The following SKAP1 variants were observed in gnomAD, a reference collection of about 807,000 sequenced individuals.
SKAP1 encodes src kinase-associated phosphoprotein 1.
A neutral mutation model predicts 58.5 loss-of-function variants in SKAP1; 44 were observed. The ratio of observed to expected loss-of-function variants is 0.75; its 90% confidence interval spans 0.59 to 0.97. The LOEUF is 0.97. Among genes scored for constraint, SKAP1 ranks in the 50% least tolerant of loss-of-function variants. SKAP1 has a pLI of 0.00. For missense variants in SKAP1, 390 were observed against 435.2 expected (o/e 0.90, Z 0.92); for synonymous variants, 127 against 149.7 (o/e 0.85, Z 1.11).
chr17:48,310,973 TA>T (rs1419724087), intron 4 of SKAP1, among the ~76,000 whole-genome samples: 1 of 152,128 alleles, frequency 6.6e-6, no homozygotes, highest in Non-Finnish European at 1.5e-5. Flanking sequence ...AGACGGATGG[TA>T]AACTTGACCT....
At chr17:48,179,514 T>A (rs2064338993) in intron 9 of SKAP1, among the ~76,000 whole-genome samples, 1 of 152,230 alleles carries the variant, frequency 6.6e-6, no homozygotes, top group African/African-American at 2.4e-5. Context: ...GTTAGGGTTA[T>A]TTTTAAGAGA....
intron 5 of SKAP1, among the ~76,000 whole-genome samples, chr17:48,188,184 A>G (rs1225253952): frequency 6.6e-6 from 1 of 152,166 alleles, no homozygotes; most frequent in Non-Finnish European, 1.5e-5. Flanking sequence ...AGACTCCTTT[A>G]TATCTTTCGG....
At chr17:48,264,980 A>C (rs138319790) in intron 4 of SKAP1, among the ~76,000 whole-genome samples, 2 of 152,282 alleles carry the variant, frequency 1.3e-5, no homozygotes, top group African/African-American at 2.4e-5. Context: ...TCCCACAGGA[A>C]CCTTGCTAAA....
chr17:48,195,034 C>T (rs1007360040), intron 4 of SKAP1, among the ~76,000 whole-genome samples: 6 of 152,254 alleles, frequency 3.9e-5, no homozygotes, highest in East Asian at 3.9e-4. Context: ...CACAAACACA[C>T]GCTTTAAAAT....
chr17:48,417,822 G>A (rs946136613), intron 1 of SKAP1, among the ~76,000 whole-genome samples: 2 of 151,806 alleles, frequency 1.3e-5, no homozygotes. Flanking sequence ...TTCTACAGCA[G>A]TGTGGATATA....
intron 4 of SKAP1, chr17:48,204,054 G>A (rs1479305906): frequency 6.6e-6 from 1 of 151,550 alleles, no homozygotes; most frequent in Admixed American, 6.6e-5. Flanking sequence ...TTGGGAAGAA[G>A]AAGAACCAAG....
chr17:48,193,671 C>T (rs1262679786), intron 4 of SKAP1: 68 of 984,262 alleles, frequency 6.9e-5, no homozygotes, highest in Non-Finnish European at 7.8e-5. Flanking sequence ...TCAGTGTCAG[C>T]GCAGGGTCCT....
At chr17:48,378,165 A>G (rs2067173861) in intron 2 of SKAP1, among the ~76,000 whole-genome samples, 1 of 152,100 alleles carries the variant, frequency 6.6e-6, no homozygotes, top group Non-Finnish European at 1.5e-5. Flanking sequence ...ACCCACATCC[A>G]TGTAACCACA....
intron 1 of SKAP1, among the ~76,000 whole-genome samples, chr17:48,422,325 C>A: frequency 6.6e-6 from 1 of 151,816 alleles, no homozygotes. Flanking sequence ...GCTGCCAAAA[C>A]AAACAAACAA....
intron 2 of SKAP1, among the ~76,000 whole-genome samples, chr17:48,374,852 C>A (rs912903717): frequency 6.6e-6 from 1 of 152,136 alleles, no homozygotes; most frequent in Non-Finnish European, 1.5e-5. Flanking sequence ...GGTGGAAGTC[C>A]CCAGTGGAGG....
chr17:48,427,199 C>A (rs2067864159), intron 1 of SKAP1, among the ~76,000 whole-genome samples: 1 of 152,088 alleles, frequency 6.6e-6, no homozygotes, highest in Non-Finnish European at 1.5e-5. Context: ...ACATATGTGG[C>A]TTTTCTTGTT....
intron 2 of SKAP1, among the ~76,000 whole-genome samples, chr17:48,378,355 A>G (rs1463683226): frequency 6.6e-6 from 1 of 152,180 alleles, no homozygotes. Flanking sequence ...CCTCATCTTT[A>G]AAACAGAAAT....
intron 1 of SKAP1, among the ~76,000 whole-genome samples, chr17:48,403,316 G>A (rs1050994090): frequency 2.0e-5 from 3 of 151,934 alleles, no homozygotes; most frequent in Non-Finnish European, 4.4e-5. Flanking sequence ...TGCAGAGAGC[G>A]GTGATTAACC....
chr17:48,371,235 A>G (rs991079001), intron 2 of SKAP1, among the ~76,000 whole-genome samples: 2 of 152,160 alleles, frequency 1.3e-5, no homozygotes, highest in Admixed American at 6.6e-5. Flanking sequence ...ATCACACTAT[A>G]TACCCTGTAA....
At chr17:48,154,848 C>T (rs1279999326) in intron 11 of SKAP1, among the ~76,000 whole-genome samples, 1 of 152,002 alleles carries the variant, frequency 6.6e-6, no homozygotes, top group Non-Finnish European at 1.5e-5. Context: ...CACTCGAGGC[C>T]AGGAGTTCAA....
intron 3 of SKAP1, 69 bp downstream of exon 3, chr17:48,363,720 G>C: frequency 7.5e-7 from 1 of 1,326,110 alleles, no homozygotes. Context: ...TTGTAGAGAA[G>C]AGACAGGAAT....
At chr17:48,297,995 C>T (rs570805445) in intron 4 of SKAP1, among the ~76,000 whole-genome samples, 6 of 152,294 alleles carry the variant, frequency 3.9e-5, no homozygotes, top group African/African-American at 1.4e-4. Context: ...AAGATCTCTT[C>T]TGTTTGCTGC....
At chr17:48,311,649 G>A (rs952864757) in intron 4 of SKAP1, among the ~76,000 whole-genome samples, 5 of 152,162 alleles carry the variant, frequency 3.3e-5, no homozygotes, top group African/African-American at 1.2e-4. Flanking sequence ...TAACCAAAGT[G>A]TGAACTGCCC....
chr17:48,334,686 T>C (rs773749884), intron 4 of SKAP1, among the ~76,000 whole-genome samples: 7 of 151,836 alleles, frequency 4.6e-5, no homozygotes, highest in Non-Finnish European at 8.9e-5. Context: ...ATCTCAAAAA[T>C]GTTATATCAA....
Sources: gnomAD v4.1 joint callset for allele counts (sites outside exome capture counted in the v4.1 genomes callset) on GRCh38, gnomAD v4.1.1 for gene constraint, MANE v1.5 for transcripts, NCBI Gene and HGNC (gene_info 2026-07-23, HGNC 2026-07-21) for gene names.